MGST1: variants seen among roughly 807,000 people sequenced by gnomAD.
The protein encoded by MGST1 is glutathione S-transferase 12.
In MGST1, 5 loss-of-function variants were observed where a neutral mutation model predicts 8.9. The ratio of observed to expected loss-of-function variants is 0.56; its 90% CI spans 0.29 to 1.19. The LOEUF is 1.19. Ranked by LOEUF, MGST1 falls within the 50% of genes most tolerant of loss-of-function variation. The probability of loss-of-function intolerance (pLI) is 0.08; values close to 1 mark genes in which losing one functional copy is unlikely to be tolerated. For missense variants in MGST1, 182 were observed against 187.4 expected (o/e 0.97, Z 0.17); for synonymous variants, 54 against 67.8 (o/e 0.80, Z 1.00).
At chr12:16,402,471 G>A (rs1940666141) in intron 1 of MGST1, 1 of 1,552,018 alleles carries the variant, frequency 6.4e-7, no homozygotes, top group African/African-American at 1.4e-5. Flanking sequence ...CGATGTCCCG[G>A]CTCTGCCACC....
intron 4 of MGST1, chr12:16,551,128 C>T: frequency 1.2e-6 from 1 of 813,750 alleles, no homozygotes; most frequent in South Asian, 1.4e-5. Context: ...CTACGCTATT[C>T]AGTAGGTTCC....
At chr12:16,468,133 C>T (rs1423320177) in intron 4 of MGST1, among the ~76,000 whole-genome samples, 1 of 152,166 alleles carries the variant, frequency 6.6e-6, no homozygotes, top group African/African-American at 2.4e-5. Flanking sequence ...TTCAGAAGCT[C>T]ATTCTATTTC....
chr12:16,350,488 C>T (rs1297520889), intron 1 of MGST1, among the ~76,000 whole-genome samples: 1 of 152,136 alleles, frequency 6.6e-6, no homozygotes, highest in African/African-American at 2.4e-5. Flanking sequence ...AACATTTCAT[C>T]CTGTTATTTA....
chr12:16,553,191 A>T (rs1053205142), intron 4 of MGST1, among the ~76,000 whole-genome samples: 1 of 152,124 alleles, frequency 6.6e-6, no homozygotes, highest in African/African-American at 2.4e-5. Flanking sequence ...CTTTTTACAG[A>T]AGAAAAACCT....
At chr12:16,424,878 A>G (rs550413089) in intron 1 of MGST1, among the ~76,000 whole-genome samples, 1 of 152,332 alleles carries the variant, frequency 6.6e-6, no homozygotes, top group African/African-American at 2.4e-5. Flanking sequence ...AGTCTGTATG[A>G]ATGTGAGTCA....
chr12:16,450,839 C>CATGTGT (rs978891087), intron 4 of MGST1, among the ~76,000 whole-genome samples: 5 of 147,882 alleles, frequency 3.4e-5, no homozygotes, highest in Admixed American at 1.4e-4. Context: ...ATATATATTC[C>CATGTGT]GTGTGTGTGT....
chr12:16,397,068 A>G (rs1414532306), intron 1 of MGST1, among the ~76,000 whole-genome samples: 1 of 152,218 alleles, frequency 6.6e-6, no homozygotes, highest in African/African-American at 2.4e-5. Flanking sequence ...TGGTATTGGT[A>G]TAAAAATAGA....
intron 4 of MGST1, among the ~76,000 whole-genome samples, chr12:16,532,523 G>C (rs185306766): frequency 1.5e-4 from 23 of 152,234 alleles, no homozygotes; most frequent in African/African-American, 4.8e-4. Flanking sequence ...GTTTATTAAT[G>C]TGAGATTTTG....
intron 4 of MGST1, among the ~76,000 whole-genome samples, chr12:16,588,050 C>T (rs552239169): frequency 3.3e-5 from 5 of 152,146 alleles, no homozygotes; most frequent in African/African-American, 1.2e-4. Context: ...CCCTTTTATT[C>T]ACAAGTATCT....
At chr12:16,523,314 A>G (rs1941660712) in intron 4 of MGST1, among the ~76,000 whole-genome samples, 1 of 152,072 alleles carries the variant, frequency 6.6e-6, no homozygotes, top group East Asian at 1.9e-4. Context: ...AAGTCGTAAC[A>G]TATCTTTGAC....
intron 4 of MGST1, among the ~76,000 whole-genome samples, chr12:16,516,356 T>C (rs567025633): frequency 6.6e-6 from 1 of 152,300 alleles, no homozygotes; most frequent in Admixed American, 6.5e-5. Flanking sequence ...TCAAATACAT[T>C]GATTTTGTCA....
intron 4 of MGST1, among the ~76,000 whole-genome samples, chr12:16,563,146 C>T (rs774905164): frequency 1.3e-4 from 20 of 152,154 alleles, no homozygotes; most frequent in Non-Finnish European, 2.6e-4. Flanking sequence ...CCTAAGAGGG[C>T]GAATCTTACA....
At chr12:16,570,640 A>T (rs1359934288) in intron 4 of MGST1, among the ~76,000 whole-genome samples, 3 of 152,150 alleles carry the variant, frequency 2.0e-5, no homozygotes, top group Admixed American at 6.6e-5. Context: ...TCAGGCACTA[A>T]CACAGGCTTA....
intron 4 of MGST1, among the ~76,000 whole-genome samples, chr12:16,443,955 G>A (rs1021923308): frequency 6.6e-5 from 10 of 151,904 alleles, no homozygotes; most frequent in African/African-American, 1.9e-4. Flanking sequence ...TTGTCAACTT[G>A]CCACTAAATT....
At chr12:16,514,574 C>A (rs1440609951) in intron 4 of MGST1, among the ~76,000 whole-genome samples, 2 of 149,678 alleles carry the variant, frequency 1.3e-5, no homozygotes, top group African/African-American at 4.8e-5. Context: ...AGGAGTCCTC[C>A]ATCTACGTGA....
chr12:16,409,654 G>T (rs1312520802), intron 1 of MGST1, among the ~76,000 whole-genome samples: 1 of 152,152 alleles, frequency 6.6e-6, no homozygotes, highest in African/African-American at 2.4e-5. Context: ...AAATTTCTAA[G>T]CCTTTGCAGA....
At chr12:16,402,942 T>C (rs1940670052) in intron 1 of MGST1, among the ~76,000 whole-genome samples, 1 of 125,762 alleles carries the variant, frequency 8.0e-6, no homozygotes, top group Non-Finnish European at 1.8e-5. Context: ...ATAAAATACA[T>C]TTAATATATT....
intron 4 of MGST1, among the ~76,000 whole-genome samples, chr12:16,464,259 C>T (rs757685408): frequency 5.3e-5 from 8 of 152,102 alleles, no homozygotes; most frequent in African/African-American, 7.2e-5. Flanking sequence ...ATTACATTTC[C>T]GCCCATTTTC....
At position 16,362,810 on chromosome 12, in the gene MGST1, G is replaced by A. The variant is rs1363897777; in HGVS notation, c.222-985G>A. Reference sequence around the variant, plus strand: ...AAAGAAAATTTAAAAAATTAGCCAGGCATGGTGGTGAGGCCTGTAGTCCCA... The same window carrying A: ...AAAGAAAATTTAAAAAATTAGCCAGACATGGTGGTGAGGCCTGTAGTCCCA... On this transcript the variant is annotated intron_variant, in intron 3 of 3. Transcript: ENST00000396210. The surrounding 1 kb of genome is among the most constrained non-coding windows in gnomAD (Gnocchi z 4.4). 1 of 152,062 alleles carries A rather than the reference G, an allele frequency of 6.6e-6. No homozygotes were observed. Among genetic ancestry groups the A allele is most frequent in the South Asian group, 2.1e-4 (1 of 4,818 alleles). The allele number at this position is 152,062 out of a possible 1,614,324, so 9.4% of individuals were successfully genotyped here. A position where few individuals can be genotyped will look rare whatever the true frequency, so the allele number is the denominator to read the frequency against.
Sources: gnomAD v4.1 joint callset for allele counts (sites outside exome capture counted in the v4.1 genomes callset) on GRCh38, gnomAD v4.1.1 for gene constraint, Gnocchi (gnomAD v3.1) non-coding constraint, MANE v1.5 for transcripts, NCBI Gene and HGNC (gene_info 2026-07-23, HGNC 2026-07-21) for gene names.